BCAS3: variants seen among roughly 807,000 people sequenced by gnomAD.
BCAS3 encodes the protein BCAS4/BCAS3 fusion.
BCAS3 carries 53 observed loss-of-function variants against 116.1 expected under a neutral mutation model. That is an observed-to-expected ratio of 0.46 (90% CI 0.37 to 0.57). BCAS3 has a LOEUF of 0.57. Among genes scored for constraint, BCAS3 ranks in the 20% least tolerant of loss-of-function variants. The pLI is 0.00. For synonymous variants in BCAS3, 391 were observed against 408.2 expected, an observed-to-expected ratio of 0.96 and a Z score of 0.51; for missense variants, 917 against 1,165.4, an observed-to-expected ratio of 0.79 and a Z score of 3.10.
At chr17:60,867,612 C>T (rs1170397290) in intron 7 of BCAS3, among the ~76,000 whole-genome samples, 2 of 152,008 alleles carry the variant, frequency 1.3e-5, no homozygotes, top group South Asian at 2.1e-4. Context: ...CTTGGTAAAT[C>T]CATATATTCT....
intron 6 of BCAS3, among the ~76,000 whole-genome samples, chr17:60,792,693 C>A (rs2046881832): frequency 6.6e-6 from 1 of 152,176 alleles, no homozygotes; most frequent in African/African-American, 2.4e-5. Flanking sequence ...TTAAAAAGAA[C>A]CTCCCCAGCC....
At chr17:60,720,500 C>T (rs946961351) in intron 5 of BCAS3, 2 of 152,056 alleles carry the variant, frequency 1.3e-5, no homozygotes, top group African/African-American at 4.8e-5. Flanking sequence ...TATTACATCA[C>T]CTAAAATATG....
intron 22 of BCAS3, among the ~76,000 whole-genome samples, chr17:61,290,699 A>G (rs2052302241): frequency 6.6e-6 from 1 of 152,172 alleles, no homozygotes; most frequent in Non-Finnish European, 1.5e-5. Flanking sequence ...GAATTGTTCC[A>G]GGAAGGTAGG....
chr17:60,913,722 ATT>A (rs34786333), intron 12 of BCAS3, among the ~76,000 whole-genome samples: 7 of 151,842 alleles, frequency 4.6e-5, no homozygotes, highest in African/African-American at 1.5e-4. Flanking sequence ...TTTGATAATG[ATT>A]TTTTTTGTGT....
chr17:61,055,641 G>A (rs2069300472), intron 19 of BCAS3, among the ~76,000 whole-genome samples: 1 of 152,158 alleles, frequency 6.6e-6, no homozygotes, highest in Non-Finnish European at 1.5e-5. Context: ...TGGTAGTCTG[G>A]AGAACTGGTA....
rs2050998290 is a variant in BCAS3, at chr17:61,278,907, G to T, written c.2426-89420G>T. ...TCTTCTAAAATAGATTGTGGTGATG[G>T]TTGCACAATTCTGTGAATACACTAA... is the stretch of plus-strand genomic sequence containing the variant. On this transcript the variant is annotated intron_variant, in intron 22 of 23. Transcript: ENST00000407086. The surrounding 1 kb of genome is among the most constrained non-coding windows in gnomAD (Gnocchi z 5.8). 6.6e-6 allele frequency among the ~76,000 whole-genome samples: 1 copy of T among 151,446 alleles called. No homozygotes were observed. The highest frequency in any genetic ancestry group is 2.4e-5 in the African/African-American group (1 of 41,158).
rs1241567622 is a variant in BCAS3 at position 61,097,555 on chromosome 17, T to C, written c.2425+12991T>C. Reference sequence around the variant, plus strand: ...GAAAAGTAGCAGGGTGATTTTTAAGTTTCCTTGGCAGTGTGAGATCCCCAT... The same window carrying C: ...GAAAAGTAGCAGGGTGATTTTTAAGCTTCCTTGGCAGTGTGAGATCCCCAT... On this transcript the variant is annotated intron_variant, in intron 22 of 23. Coordinates refer to ENST00000407086, the MANE Select transcript of BCAS3 (RefSeq NM_017679.5). The surrounding 1 kb of genome is among the most constrained non-coding windows in gnomAD (Gnocchi z 4.0). Among the ~76,000 whole-genome samples, 3 of 152,164 alleles carry C rather than the reference T, an allele frequency of 2.0e-5. No homozygotes were observed. Among genetic ancestry groups the C allele is most frequent in the Non-Finnish European group, 2.9e-5 (2 of 68,026 alleles).
intron 22 of BCAS3, chr17:61,157,345 T>C (rs974981054): frequency 2.0e-5 from 3 of 152,216 alleles, no homozygotes; most frequent in Non-Finnish European, 4.4e-5. Flanking sequence ...GTACTTTTCC[T>C]CTTAGACTCA....
In BCAS3 at chr17:60,802,371, C is replaced by CATATATATATATATATAT. The variant is rs533515914; in HGVS notation, c.404-5632_404-5615dup. 6.8e-3 allele frequency among the ~76,000 whole-genome samples: 756 copies of CATATATATATATATATAT among 111,818 alleles called. 11 individuals carry two copies. Among genetic ancestry groups the CATATATATATATATATAT allele is most frequent in the African/African-American group, 0.027 (728 of 26,496 alleles). The allele number at this position is 111,818 out of a possible 152,430, so 73.4% of individuals were successfully genotyped here. ...ATACACACACATACATACATACATA[C>CATATATATATATATATAT]ATATATATATATATATATCCCCTTG... On this transcript the variant is annotated intron_variant, in intron 6 of 23. Coordinates refer to ENST00000407086, the MANE Select transcript of BCAS3 (RefSeq NM_017679.5).
At chr17:61,291,039 C>A (rs1031856724) in intron 22 of BCAS3, among the ~76,000 whole-genome samples, 1 of 152,182 alleles carries the variant, frequency 6.6e-6, no homozygotes, top group African/African-American at 2.4e-5. Context: ...CTTGGCCTCC[C>A]AAAGCGCTGG....
chr17:60,782,420 A>G (rs180689056), intron 6 of BCAS3, among the ~76,000 whole-genome samples: 4 of 152,256 alleles, frequency 2.6e-5, no homozygotes, highest in African/African-American at 9.6e-5. Flanking sequence ...CAGAATGTAG[A>G]TTACAAACCA....
At chr17:60,944,189 A>G (rs899361878) in intron 13 of BCAS3, among the ~76,000 whole-genome samples, 3 of 152,054 alleles carry the variant, frequency 2.0e-5, no homozygotes, top group Non-Finnish European at 4.4e-5. Context: ...GAAACCAAAT[A>G]GGTTAACCTT....
At chr17:60,891,465 C>T (rs1036948027) in intron 10 of BCAS3, among the ~76,000 whole-genome samples, 2 of 152,188 alleles carry the variant, frequency 1.3e-5, no homozygotes, top group Non-Finnish European at 2.9e-5. Context: ...AAATGTCGTG[C>T]TTTCATCTCA....
chr17:60,777,016 CAAA>C (rs58245869), intron 6 of BCAS3, among the ~76,000 whole-genome samples: 3 of 78,860 alleles, frequency 3.8e-5, no homozygotes, highest in Admixed American at 1.5e-4. Flanking sequence ...AACTCCATCT[CAAA>C]AAAAAAAAAA....
intron 5 of BCAS3, among the ~76,000 whole-genome samples, chr17:60,745,234 A>G (rs1433090141): frequency 6.6e-6 from 1 of 151,926 alleles, no homozygotes; most frequent in African/African-American, 2.4e-5. Context: ...TATAATTTCA[A>G]TGTAAGTTCT....
rs2064788650 is a variant in BCAS3, at chr17:61,007,354, CAGGAATT to C, written c.1487-8395_1487-8389del. Reference sequence around the variant, plus strand: ...CTTGCTGTACTTAGAATTTTAGCAACAGGAATTATTTCTTTATGACTTTTAATTTTTA... The same window carrying C: ...CTTGCTGTACTTAGAATTTTAGCAACATTTCTTTATGACTTTTAATTTTTA... On this transcript the variant is annotated intron_variant, in intron 15 of 23. Coordinates refer to ENST00000407086, the MANE Select transcript of BCAS3 (RefSeq NM_017679.5). This position sits in a 1 kb window ranked among gnomAD's most constrained non-coding sequence, Gnocchi z 4.3. 6.6e-6 allele frequency among the ~76,000 whole-genome samples: 1 copy of C among 151,952 alleles called. No individual in the cohort carries two copies. Among genetic ancestry groups the C allele is most frequent in the Admixed American group, 6.6e-5 (1 of 15,238 alleles).
chr17:61,328,594 C>T (rs953261117), intron 22 of BCAS3, among the ~76,000 whole-genome samples: 5 of 152,092 alleles, frequency 3.3e-5, no homozygotes, highest in Non-Finnish European at 5.9e-5. Flanking sequence ...GGCGAAACTC[C>T]GTCTCTACAA....
chr17:60,784,518 T>A (rs2046118184), intron 6 of BCAS3, among the ~76,000 whole-genome samples: 2 of 151,500 alleles, frequency 1.3e-5, no homozygotes, highest in South Asian at 4.2e-4. Flanking sequence ...TTAGCCAGGA[T>A]GGTCTCGATC....
chr17:61,143,461 G>A (rs2077032047), intron 22 of BCAS3, among the ~76,000 whole-genome samples: 1 of 152,164 alleles, frequency 6.6e-6, no homozygotes, highest in East Asian at 1.9e-4. Flanking sequence ...AAAAATAGAG[G>A]TAAAGACTTT....
Sources: gnomAD v4.1 joint callset for allele counts (sites outside exome capture counted in the v4.1 genomes callset) on GRCh38, gnomAD v4.1.1 for gene constraint, Gnocchi (gnomAD v3.1) non-coding constraint, MANE v1.5 for transcripts, NCBI Gene and HGNC (gene_info 2026-07-23, HGNC 2026-07-21) for gene names.